BAALC: variants seen among roughly 807,000 people sequenced by gnomAD.
The protein encoded by BAALC is brain and acute leukemia cytoplasmic protein.
BAALC carries 9 observed loss-of-function variants against 15.5 expected under a neutral mutation model. The observed-to-expected ratio is 0.58, with a 90% CI of 0.35 to 1.02. The LOEUF is 1.02. Among genes scored for constraint, BAALC ranks in the 50% least tolerant of loss-of-function variants. The probability of loss-of-function intolerance (pLI) is 0.02; values close to 1 mark genes in which losing one functional copy is unlikely to be tolerated. For synonymous variants in BAALC, 80 were observed against 74.6 expected, an observed-to-expected ratio of 1.07 and a Z score of -0.37; for missense variants, 201 against 192.4, an observed-to-expected ratio of 1.04 and a Z score of -0.27.
intron 1 of BAALC, among the ~76,000 whole-genome samples, chr8:103,173,377 A>G (rs1241048186): frequency 6.6e-6 from 1 of 152,196 alleles, no homozygotes; most frequent in African/African-American, 2.4e-5. Context: ...TCTCATTTAT[A>G]TCTTCCTTTT....
rs779399967 is a variant in BAALC at position 103,212,900 on chromosome 8, C to T, written c.161-19C>T. ...CCATGTGCAAGCTTCTGGTTCCATCCTCTGCTTACCTCCCCCAGGCATGCT... is the reference window on the plus strand; with the variant it reads ...CCATGTGCAAGCTTCTGGTTCCATCTTCTGCTTACCTCCCCCAGGCATGCT... On this transcript the variant is annotated intron_variant, in intron 1 of 2. Coordinates refer to ENST00000309982, the MANE Select transcript of BAALC (RefSeq NM_024812.3). 3.1e-6 allele frequency: 5 copies of T among 1,604,202 alleles called. No individual in the cohort carries two copies. The Admixed American group carries it at 6.8e-5, about 22-fold the overall frequency.
chr8:103,151,026 T>C (rs1404185630), intron 1 of BAALC, among the ~76,000 whole-genome samples: 1 of 151,966 alleles, frequency 6.6e-6, no homozygotes, highest in Non-Finnish European at 1.5e-5. Context: ...TTGATTTTTT[T>C]TTTTTTTTTG....
chr8:103,200,789 C>T (rs1381274580), intron 1 of BAALC: 13 of 675,544 alleles, frequency 1.9e-5, no homozygotes, highest in African/African-American at 5.3e-5. Flanking sequence ...CCTTCAACCT[C>T]TTTTATAAGG....
intron 1 of BAALC, chr8:103,198,237 G>A (rs974035045): frequency 6.4e-6 from 4 of 625,492 alleles, no homozygotes; most frequent in Non-Finnish European, 1.1e-5. Flanking sequence ...CTGTTCTTAT[G>A]TATCATTATA....
intron 1 of BAALC, chr8:103,200,706 C>A (rs1812195613): frequency 2.9e-6 from 2 of 700,530 alleles, no homozygotes; most frequent in East Asian, 5.4e-5. Context: ...GATTCAGTGT[C>A]TGATGAAGGC....
chr8:103,164,081 C>A (rs1811288690), intron 1 of BAALC, among the ~76,000 whole-genome samples: 1 of 152,150 alleles, frequency 6.6e-6, no homozygotes, highest in African/African-American at 2.4e-5. Context: ...GGAAGCCTAG[C>A]AGATTGGGTG....
chr8:103,192,781 C>A (rs1812000307), intron 1 of BAALC, among the ~76,000 whole-genome samples: 1 of 152,190 alleles, frequency 6.6e-6, no homozygotes, highest in Non-Finnish European at 1.5e-5. Context: ...CCTGAGCTGC[C>A]ATTGCCATGG....
chr8:103,178,975 A>G (rs142492083), intron 1 of BAALC, among the ~76,000 whole-genome samples: 2 of 152,190 alleles, frequency 1.3e-5, no homozygotes, highest in Non-Finnish European at 2.9e-5. Flanking sequence ...CTGAGATAAG[A>G]TTGCTAAATT....
chr8:103,158,294 C>A (rs149668989), intron 1 of BAALC, among the ~76,000 whole-genome samples: 2 of 152,034 alleles, frequency 1.3e-5, no homozygotes, highest in Non-Finnish European at 2.9e-5. Flanking sequence ...AAAGCTATTG[C>A]GCAACATGGT....
At position 103,140,772 on chromosome 8, in the gene BAALC, G is replaced by C; in HGVS notation, c.-126G>C. On this transcript the variant is annotated 5_prime_UTR_variant, in exon 1 of 3. Coordinates refer to ENST00000309982, the MANE Select transcript of BAALC (RefSeq NM_024812.3). The surrounding 1 kb of genome is among the most constrained non-coding windows in gnomAD (Gnocchi z 4.2). ...CAGGAGCTCCGCGCGGCTGCAGCGC[G>C]GGCGGGAGCGGGGACGCGATGTCGC... The C allele has an allele frequency of 3.5e-6, 3 of 845,678 alleles. No individual in the cohort carries two copies. Among genetic ancestry groups the C allele is most frequent in the Non-Finnish European group, 3.1e-6 (2 of 653,466 alleles). The allele number at this position is 845,678 out of a possible 1,614,324, so 52.4% of individuals were successfully genotyped here. A position where few individuals can be genotyped will look rare whatever the true frequency, so the allele number is the denominator to read the frequency against.
intron 1 of BAALC, among the ~76,000 whole-genome samples, chr8:103,199,796 T>C (rs113606101): frequency 1 from 152,254 of 152,256 alleles, 76,126 homozygotes; most frequent in Middle Eastern, 1. Context: ...TTTTCCTGAT[T>C]TTTCCTCCCT....
intron 1 of BAALC, among the ~76,000 whole-genome samples, chr8:103,155,108 G>C (rs975676730): frequency 6.6e-6 from 1 of 152,028 alleles, no homozygotes; most frequent in African/African-American, 2.4e-5. Context: ...GAATACTTCA[G>C]TATGAATCTC....
chr8:103,143,101 G>C (rs1810817929), intron 1 of BAALC, among the ~76,000 whole-genome samples: 1 of 152,132 alleles, frequency 6.6e-6, no homozygotes, highest in Admixed American at 6.5e-5. Flanking sequence ...GCCTTCTTTG[G>C]GGGTGTACTG....
At chr8:103,175,101 C>G (rs1217683628) in intron 1 of BAALC, among the ~76,000 whole-genome samples, 13 of 152,212 alleles carry the variant, frequency 8.5e-5, no homozygotes. Flanking sequence ...TCTCTGCCCT[C>G]CCTGCCCTAA....
chr8:103,146,557 C>T (rs763445987), intron 1 of BAALC, among the ~76,000 whole-genome samples: 4 of 152,202 alleles, frequency 2.6e-5, no homozygotes, highest in Non-Finnish European at 5.9e-5. Context: ...CTGTACCTAA[C>T]GCTGTTCTGG....
rs115586755 is a variant in BAALC at position 103,147,928 on chromosome 8, G to A, written c.160+6871G>A. ...TCCTGCTAGCTTGGCTACCAGGAAC[G>A]CTTGCTTCCTCACATGCCTGACTCC... On this transcript the variant is annotated intron_variant, in intron 1 of 2. Transcript: ENST00000309982. 7.8e-3 allele frequency among the ~76,000 whole-genome samples: 1,187 copies of A among 152,246 alleles called. 23 individuals carry two copies. Among genetic ancestry groups the A allele is most frequent in the African/African-American group, 0.027 (1,141 of 41,544 alleles).
chr8:103,217,846 T>G (rs1045386499), intron 2 of BAALC, among the ~76,000 whole-genome samples: 1 of 152,240 alleles, frequency 6.6e-6, no homozygotes, highest in African/African-American at 2.4e-5. Flanking sequence ...TTGAGTGCTG[T>G]CTAGGTGCCA....
At chr8:103,195,745 A>C (rs571794915) in intron 1 of BAALC, among the ~76,000 whole-genome samples, 121 of 152,310 alleles carry the variant, frequency 7.9e-4, no homozygotes, top group African/African-American at 2.7e-3. Flanking sequence ...ATACTTTAAC[A>C]CATAGAGATC....
chr8:103,148,613 G>T (rs1449344632), intron 1 of BAALC, among the ~76,000 whole-genome samples: 1 of 152,154 alleles, frequency 6.6e-6, no homozygotes, highest in Non-Finnish European at 1.5e-5. Context: ...CAAATAGTAG[G>T]TCTCATTCAT....
Sources: gnomAD v4.1 joint callset for allele counts (sites outside exome capture counted in the v4.1 genomes callset) on GRCh38, gnomAD v4.1.1 for gene constraint, Gnocchi (gnomAD v3.1) non-coding constraint, MANE v1.5 for transcripts, NCBI Gene and HGNC (gene_info 2026-07-23, HGNC 2026-07-21) for gene names.